Variants in ARB2A observed in about 807,000 individuals in gnomAD.
The protein encoded by ARB2A is ARB2 cotranscriptional regulator A.
chr5:93,853,461 C>T, the ARB2A span, among the ~76,000 whole-genome samples: 3 of 152,102 alleles, frequency 2.0e-5, no homozygotes, highest in African/African-American at 4.8e-5. Context: ...CCTTCTCCTG[C>T]CTAATTGCCC....
At chr5:93,991,525 CAA>C in the ARB2A span, among the ~76,000 whole-genome samples, 1 of 150,480 alleles carries the variant, frequency 6.6e-6, no homozygotes, top group Non-Finnish European at 1.5e-5. Context: ...CCACCTATTA[CAA>C]AAGTGTTCAA....
the ARB2A span, among the ~76,000 whole-genome samples, chr5:93,725,737 A>G: frequency 6.6e-6 from 1 of 152,108 alleles, no homozygotes; most frequent in Non-Finnish European, 1.5e-5. Flanking sequence ...GGTAAGAATA[A>G]CCCCAAAATA....
chr5:93,644,717 G>T, the ARB2A span, among the ~76,000 whole-genome samples: 3 of 152,032 alleles, frequency 2.0e-5, no homozygotes, highest in African/African-American at 4.8e-5. Flanking sequence ...GTATGATCCA[G>T]TATTCCTGGT....
At chr5:94,025,548 A>G in the ARB2A span, among the ~76,000 whole-genome samples, 5 of 152,218 alleles carry the variant, frequency 3.3e-5, no homozygotes, top group African/African-American at 1.2e-4. Flanking sequence ...ACCCAGTCCA[A>G]TAACAGTAAG....
At chr5:93,838,045 A>G in the ARB2A span, among the ~76,000 whole-genome samples, 1 of 152,018 alleles carries the variant, frequency 6.6e-6, no homozygotes, top group Non-Finnish European at 1.5e-5. Context: ...TTTTGTTGCG[A>G]TTGCTTTTGG....
At chr5:93,998,041 G>A in the ARB2A span, among the ~76,000 whole-genome samples, 22 of 151,666 alleles carry the variant, frequency 1.5e-4, no homozygotes, top group African/African-American at 5.3e-4. Context: ...GTGGATGCAT[G>A]AGTGTATCCA....
At chr5:93,918,057 TC>T in the ARB2A span, among the ~76,000 whole-genome samples, 2 of 152,202 alleles carry the variant, frequency 1.3e-5, no homozygotes, top group Admixed American at 1.3e-4. Context: ...TTAATGACTC[TC>T]AATGTGGTCC....
the ARB2A span, among the ~76,000 whole-genome samples, chr5:93,627,733 C>A: frequency 3.9e-5 from 6 of 152,272 alleles, no homozygotes; most frequent in East Asian, 7.7e-4. Flanking sequence ...AGCCACCATG[C>A]CCAGCCACAA....
At chr5:93,705,794 T>C in the ARB2A span, among the ~76,000 whole-genome samples, 1 of 152,060 alleles carries the variant, frequency 6.6e-6, no homozygotes, top group Non-Finnish European at 1.5e-5. Flanking sequence ...GAAAACTCAA[T>C]TAAGCTTGCA....
At chr5:93,897,854 A>G in the ARB2A span, among the ~76,000 whole-genome samples, 5 of 152,054 alleles carry the variant, frequency 3.3e-5, no homozygotes, top group African/African-American at 1.2e-4. Context: ...TACAAAATGT[A>G]TAAGGCATAT....
At chr5:94,094,451 A>G in the ARB2A span, among the ~76,000 whole-genome samples, 1 of 152,214 alleles carries the variant, frequency 6.6e-6, no homozygotes, top group Non-Finnish European at 1.5e-5. Context: ...AAATGCAATC[A>G]TATTGGGGTT....
At chr5:93,890,350 A>G in the ARB2A span, among the ~76,000 whole-genome samples, 1 of 151,622 alleles carries the variant, frequency 6.6e-6, no homozygotes, top group Non-Finnish European at 1.5e-5. Flanking sequence ...TTATAAAAAT[A>G]TGTTCATCTA....
the ARB2A span, among the ~76,000 whole-genome samples, chr5:93,907,285 T>C: frequency 6.6e-6 from 1 of 150,938 alleles, no homozygotes; most frequent in East Asian, 1.9e-4. Flanking sequence ...TTTAAGACAT[T>C]ATGAGTTACA....
chr5:94,088,101 G>C, the ARB2A span, among the ~76,000 whole-genome samples: 1 of 152,204 alleles, frequency 6.6e-6, no homozygotes, highest in Non-Finnish European at 1.5e-5. Context: ...TATTTAGTGA[G>C]AAAGTTGGAG....
chr5:93,967,360 C>T, the ARB2A span, among the ~76,000 whole-genome samples: 3 of 152,106 alleles, frequency 2.0e-5, no homozygotes, highest in East Asian at 5.8e-4. Context: ...CTTACAAAAA[C>T]AAAAAAGGCT....
the ARB2A span, chr5:93,740,333 T>C: frequency 1.2e-5 from 6 of 492,334 alleles, no homozygotes; most frequent in Non-Finnish European, 3.6e-6. Flanking sequence ...TACTGTAATG[T>C]ACCTTTAAAC....
At chr5:93,657,559 T>C in the ARB2A span, among the ~76,000 whole-genome samples, 3 of 152,192 alleles carry the variant, frequency 2.0e-5, no homozygotes, top group African/African-American at 4.8e-5. Flanking sequence ...CATAACCTTA[T>C]ATGAGCTTGG....
the ARB2A span, among the ~76,000 whole-genome samples, chr5:93,946,794 C>G: frequency 6.6e-6 from 1 of 152,016 alleles, no homozygotes; most frequent in South Asian, 2.1e-4. Context: ...CAGTTTTATT[C>G]TAATATATTT....
chr5:94,108,275 GA>G, the ARB2A span, among the ~76,000 whole-genome samples: 3 of 149,576 alleles, frequency 2.0e-5, no homozygotes, highest in Admixed American at 6.6e-5. Flanking sequence ...TAATTAAAAA[GA>G]AAAAAAAATC....
Sources: gnomAD v4.1 joint callset for allele counts (sites outside exome capture counted in the v4.1 genomes callset) on GRCh38, gnomAD v4.1.1 for gene constraint, MANE v1.5 for transcripts, NCBI Gene and HGNC (gene_info 2026-07-23, HGNC 2026-07-21) for gene names.